GDI2: variants seen among roughly 807,000 people sequenced by gnomAD.
GDI2 encodes the protein GDP dissociation inhibitor 2, also known as rab GDP dissociation inhibitor beta.
Under a neutral mutation model 54.2 loss-of-function variants are expected in GDI2, and 22 were observed. The ratio of observed to expected loss-of-function variants is 0.41; its 90% CI spans 0.29 to 0.58. The LOEUF (loss-of-function observed/expected upper bound fraction) is 0.58. Ranked by LOEUF, GDI2 falls within the 20% of genes least tolerant of loss-of-function variation. The probability of loss-of-function intolerance (pLI) is 0.35; values close to 1 mark genes in which losing one functional copy is unlikely to be tolerated. For missense variants in GDI2, 422 were observed against 546.0 expected (o/e 0.77, Z 2.26); for synonymous variants, 177 against 182.1 (o/e 0.97, Z 0.23).
At chr10:5,785,344 T>C (rs1840850006) in intron 5 of GDI2, 71 bp from the exon 6 acceptor site, 1 of 1,115,700 alleles carries the variant, frequency 9.0e-7, no homozygotes, top group African/African-American at 1.6e-5. Flanking sequence ...TATAATTTTT[T>C]TTGAAGCGAT....
intron 6 of GDI2, among the ~76,000 whole-genome samples, chr10:5,780,217 AAAAC>A (rs200803775): frequency 0.13 from 19,109 of 143,882 alleles, 1,148 homozygotes; most frequent in South Asian, 0.17. Flanking sequence ...TCCAAAAAAA[AAAAC>A]AAACAAACAA....
intron 1 of GDI2, among the ~76,000 whole-genome samples, chr10:5,803,883 T>C (rs1172325671): frequency 1.3e-5 from 2 of 152,182 alleles, no homozygotes; most frequent in African/African-American, 4.8e-5. Context: ...TTATAAATCT[T>C]TAATATTTCT....
chr10:5,796,335 C>T (rs573069704), intron 3 of GDI2, among the ~76,000 whole-genome samples: 346 of 131,206 alleles, frequency 2.6e-3, no homozygotes, highest in Middle Eastern at 0.015. Context: ...GGTGACAGAG[C>T]GAGACTCCGT....
At position 5,791,294 on chromosome 10, in the gene GDI2, A is replaced by C. The variant is rs149106186; in HGVS notation, c.388+3591T>G. Among the ~76,000 whole-genome samples, 363 of 152,156 alleles carry C rather than the reference A, an allele frequency of 2.4e-3. 3 individuals are homozygous for C. The highest frequency in any genetic ancestry group is 8.2e-3 in the African/African-American group (341 of 41,496). ...AGAGCAAGAGTGAGACCCTGTTTCA[A>C]AAAAATAAATACATAAAATAATAAA... On this transcript the variant is annotated intron_variant, in intron 4 of 10. Coordinates refer to ENST00000380191, the MANE Select transcript of GDI2 (RefSeq NM_001494.4).
chr10:5,771,797 A>G (rs1840494739), intron 7 of GDI2, among the ~76,000 whole-genome samples: 1 of 152,224 alleles, frequency 6.6e-6, no homozygotes, highest in South Asian at 2.1e-4. Context: ...GACAGATTAA[A>G]ACATTTATCC....
chr10:5,775,196 C>T (rs1192112992), intron 6 of GDI2, among the ~76,000 whole-genome samples: 1 of 152,150 alleles, frequency 6.6e-6, no homozygotes, highest in Non-Finnish European at 1.5e-5. Flanking sequence ...GCTGAAGTGG[C>T]AGCATCACTT....
chr10:5,777,283 G>C (rs1455545056), intron 6 of GDI2, among the ~76,000 whole-genome samples: 3 of 152,172 alleles, frequency 2.0e-5, no homozygotes, highest in Non-Finnish European at 4.4e-5. Flanking sequence ...GACCAGCCTG[G>C]CCAACATGGT....
intron 7 of GDI2, among the ~76,000 whole-genome samples, chr10:5,769,702 A>G (rs1485210089): frequency 2.6e-5 from 4 of 152,262 alleles, no homozygotes; most frequent in Non-Finnish European, 5.9e-5. Flanking sequence ...CTACCTCACA[A>G]CCGTTAAGAT....
intron 7 of GDI2, 26 bp downstream of exon 7, chr10:5,773,816 T>C: frequency 1.0e-6 from 1 of 965,912 alleles, no homozygotes; most frequent in South Asian, 1.4e-5. Flanking sequence ...AACATAGTAA[T>C]TTTTTTCATT....
Position 5,794,887 on chromosome 10 carries a change from G to C in GDI2, c.386C>G (p.Ser129Cys), listed in dbSNP as rs769270716. ...VPSTEAEALASSLMGLFEKRR... is the reference protein window; with the variant it reads ...VPSTEAEALACSLMGLFEKRR... ...CTAGAGAAAATAAAACTACTTACTA[G>C]ATGCCAGGGCTTCTGCTTCAGTGGA... The change falls in exon 4 of 11, where the codon TCT becomes TGT. Residue 129 changes from serine (S) to cysteine (C), a missense_variant and splice_region_variant. Ser to Cys is a moderately radical substitution (Grantham distance 112). Transcript: ENST00000380191. 1 of 1,596,360 alleles carries C rather than the reference G, an allele frequency of 6.3e-7. No individual in the cohort carries two copies. The highest frequency in any genetic ancestry group is 8.6e-7 in the Non-Finnish European group (1 of 1,165,600).
At chr10:5,803,677 G>A (rs888635266) in intron 1 of GDI2, among the ~76,000 whole-genome samples, 4 of 151,994 alleles carry the variant, frequency 2.6e-5, no homozygotes, top group Non-Finnish European at 2.9e-5. Context: ...ACCATCAACC[G>A]AAAAGTATAA....
chr10:5,778,669 T>C (rs748885750), intron 6 of GDI2, among the ~76,000 whole-genome samples: 3 of 152,258 alleles, frequency 2.0e-5, no homozygotes, highest in Non-Finnish European at 2.9e-5. Context: ...TAATGTACCA[T>C]TTAAAAATAC....
chr10:5,776,568 A>G lies in GDI2; in HGVS notation c.720-2627T>C, dbSNP rs1348840712. On this transcript the variant is annotated intron_variant, in intron 6 of 10. Coordinates refer to ENST00000380191, the MANE Select transcript of GDI2 (RefSeq NM_001494.4). The surrounding 1 kb of genome is among the most constrained non-coding windows in gnomAD (Gnocchi z 5.3). ...CATGTGGAATTCCTTGTGGCTGAGAATGAAAGATTAAGGAAAGAAAATAAA... is the reference window on the plus strand; with the variant it reads ...CATGTGGAATTCCTTGTGGCTGAGAGTGAAAGATTAAGGAAAGAAAATAAA... The G allele has an allele frequency of 1.3e-6, 2 of 1,565,578 alleles. No homozygotes were observed.
intron 7 of GDI2, among the ~76,000 whole-genome samples, chr10:5,769,902 G>A (rs1840446362): frequency 6.6e-6 from 1 of 152,106 alleles, no homozygotes; most frequent in Non-Finnish European, 1.5e-5. Context: ...AGAACTAAAC[G>A]CATGGTCTTG....
At chr10:5,772,071 G>A (rs1840501511) in intron 7 of GDI2, among the ~76,000 whole-genome samples, 1 of 148,554 alleles carries the variant, frequency 6.7e-6, no homozygotes, top group Admixed American at 6.6e-5. Flanking sequence ...CCTGGTGACT[G>A]AGAAGAAAAA....
intron 7 of GDI2, among the ~76,000 whole-genome samples, chr10:5,770,992 G>A (rs1194457122): frequency 7.0e-6 from 1 of 142,028 alleles, no homozygotes; most frequent in Non-Finnish European, 1.5e-5. Flanking sequence ...AAAAAAGATG[G>A]TAAATTTTAT....
chr10:5,798,588 CAAAAAAAAAAA>C (rs534853983), intron 2 of GDI2, among the ~76,000 whole-genome samples: 1 of 95,274 alleles, frequency 1.0e-5, no homozygotes, highest in Non-Finnish European at 2.2e-5. Flanking sequence ...GACTCCATCT[CAAAAAAAAAAA>C]AAAGAAAAAA....
chr10:5,786,683 G>A (rs376782489), intron 4 of GDI2, among the ~76,000 whole-genome samples: 2 of 152,278 alleles, frequency 1.3e-5, no homozygotes, highest in African/African-American at 4.8e-5. Context: ...TATCCATGAA[G>A]CCACCCATCT....
intron 1 of GDI2, among the ~76,000 whole-genome samples, chr10:5,801,464 G>C (rs958748714): frequency 2.0e-5 from 3 of 151,790 alleles, no homozygotes; most frequent in Non-Finnish European, 2.9e-5. Flanking sequence ...ATCACCTGAG[G>C]TCAGAAGAGC....
Sources: allele counts gnomAD v4.1 joint callset (sites outside exome capture counted in the v4.1 genomes callset), GRCh38; gene constraint gnomAD v4.1.1; non-coding constraint Gnocchi (gnomAD v3.1); transcripts MANE v1.5; gene names NCBI Gene and HGNC (gene_info 2026-07-23, HGNC 2026-07-21).